Variants in GNAL observed in about 807,000 individuals in gnomAD.
GNAL encodes the protein G protein subunit alpha L, also known as guanine nucleotide-binding protein G(olf) subunit alpha.
GNAL carries 18 observed loss-of-function variants against 55.1 expected under a neutral mutation model. The ratio of observed to expected loss-of-function variants is 0.33; its 90% CI spans 0.23 to 0.48. The LOEUF (loss-of-function observed/expected upper bound fraction) is 0.48. GNAL is among the 20% of genes least tolerant of loss of function. GNAL has a pLI of 0.99. For missense variants in GNAL, 412 were observed against 614.1 expected (o/e 0.67, Z 3.48); for synonymous variants, 253 against 237.0 (o/e 1.07, Z -0.62).
At chr18:11,873,284 T>C (rs546257603) in intron 10 of GNAL, among the ~76,000 whole-genome samples, 14 of 152,348 alleles carry the variant, frequency 9.2e-5, no homozygotes, top group Admixed American at 2.0e-4. Context: ...GCATTTGTCA[T>C]TAAACTTTTT....
chr18:11,850,092 C>T (rs1309020552), intron 5 of GNAL, among the ~76,000 whole-genome samples: 1 of 152,178 alleles, frequency 6.6e-6, no homozygotes, highest in Non-Finnish European at 1.5e-5. Context: ...AAAATCCAGG[C>T]AACAGGAACA....
intron 5 of GNAL, among the ~76,000 whole-genome samples, chr18:11,849,244 A>G (rs150330816): frequency 0.066 from 10,051 of 152,298 alleles, 468 homozygotes; most frequent in African/African-American, 0.13. Flanking sequence ...GCCCACGCCT[A>G]TAATCCCAGC....
chr18:11,750,761 C>T (rs1056807972), intron 1 of GNAL, among the ~76,000 whole-genome samples: 2 of 152,002 alleles, frequency 1.3e-5, no homozygotes, highest in Non-Finnish European at 2.9e-5. Context: ...CTTTCTAACT[C>T]TTGGCTGCGG....
At chr18:11,783,840 C>T (rs1015578012) in intron 4 of GNAL, among the ~76,000 whole-genome samples, 4 of 152,086 alleles carry the variant, frequency 2.6e-5, no homozygotes, top group Admixed American at 2.6e-4. Context: ...TTGAGCAAGC[C>T]GCATTTCAAG....
chr18:11,692,446 GCTCAC>G (rs1279853152), intron 1 of GNAL, among the ~76,000 whole-genome samples: 1 of 152,190 alleles, frequency 6.6e-6, no homozygotes, highest in African/African-American at 2.4e-5. Context: ...CCCCTCCAGT[GCTCAC>G]CTCCAGAATA....
Position 11,752,302 on chromosome 18 carries a change from C to G in GNAL, c.377-551C>G. ...AACGCCTGCTCTGAATCGGAAAACA[C>G]CGAAGAGACCAGACCATCTCTTTCA... On this transcript the variant is annotated intron_variant, in intron 1 of 11. Transcript: ENST00000334049. The surrounding 1 kb of genome is among the most constrained non-coding windows in gnomAD (Gnocchi z 4.5). 2 of 1,449,704 alleles carry G rather than the reference C, an allele frequency of 1.4e-6. No homozygotes were observed. Among genetic ancestry groups the G allele is most frequent in the Non-Finnish European group, 9.1e-7 (1 of 1,104,866 alleles). 89.8% of individuals were successfully genotyped at this position (1,449,704 alleles called of 1,614,324 possible).
intron 11 of GNAL, among the ~76,000 whole-genome samples, chr18:11,878,797 G>A (rs1486426645): frequency 2.6e-5 from 4 of 151,890 alleles, no homozygotes; most frequent in East Asian, 2.0e-4. Flanking sequence ...CGAACTCCTC[G>A]CCTCAAGTGA....
intron 5 of GNAL, among the ~76,000 whole-genome samples, chr18:11,831,391 C>T (rs1241462289): frequency 8.5e-5 from 13 of 152,056 alleles, no homozygotes; most frequent in South Asian, 8.3e-4. Context: ...CTTGACCCAC[C>T]GAAAGTACAT....
intron 4 of GNAL, among the ~76,000 whole-genome samples, chr18:11,809,886 C>T (rs1050207241): frequency 5.9e-5 from 9 of 152,264 alleles, no homozygotes; most frequent in African/African-American, 2.2e-4. Flanking sequence ...ATATTCTTTC[C>T]CTTTTATGTC....
intron 5 of GNAL, among the ~76,000 whole-genome samples, chr18:11,856,726 G>A (rs903555065): frequency 1.3e-5 from 2 of 151,882 alleles, no homozygotes; most frequent in Non-Finnish European, 2.9e-5. Context: ...AGGAGTTCGA[G>A]ACCAGCCTGG....
chr18:11,703,231 G>A (rs2031619689), intron 1 of GNAL, among the ~76,000 whole-genome samples: 1 of 152,256 alleles, frequency 6.6e-6, no homozygotes, highest in South Asian at 2.1e-4. Context: ...AGCAGCAGAT[G>A]CCACGCAGAG....
intron 1 of GNAL, among the ~76,000 whole-genome samples, chr18:11,726,892 T>C (rs537379203): frequency 1.3e-5 from 2 of 152,102 alleles, no homozygotes; most frequent in East Asian, 3.9e-4. Context: ...ATCAAGCCTG[T>C]GCTGGTTGGA....
At chr18:11,800,750 T>C (rs2034502343) in intron 4 of GNAL, among the ~76,000 whole-genome samples, 1 of 152,212 alleles carries the variant, frequency 6.6e-6, no homozygotes, top group South Asian at 2.1e-4. Context: ...TCCGCAGGCT[T>C]CTCTGTCATA....
At chr18:11,808,622 G>A (rs990814460) in intron 4 of GNAL, among the ~76,000 whole-genome samples, 1 of 152,138 alleles carries the variant, frequency 6.6e-6, no homozygotes, top group African/African-American at 2.4e-5. Flanking sequence ...TGTTTCTCTT[G>A]GGAAAGAAAG....
At chr18:11,852,882 C>G (rs2035913838) in intron 5 of GNAL, 1 of 166,908 alleles carries the variant, frequency 6.0e-6, no homozygotes, top group African/African-American at 2.4e-5. Flanking sequence ...TTTAAAAAGA[C>G]TTAGTGTGAC....
intron 5 of GNAL, among the ~76,000 whole-genome samples, chr18:11,844,570 G>A (rs2035690358): frequency 6.6e-6 from 1 of 152,166 alleles, no homozygotes; most frequent in African/African-American, 2.4e-5. Context: ...GTAAAAGCTG[G>A]GTCTAAGGCA....
At position 11,790,656 on chromosome 18, in the gene GNAL, T is replaced by C. The variant is rs866779122; in HGVS notation, c.625-34262T>C. ...TTTTTCTTTTCTTTTCTTTTCTTTTTTTTTCTTTTTTTTTTTTTTTGAGAC... is the reference window on the plus strand; with the variant it reads ...TTTTTCTTTTCTTTTCTTTTCTTTTCTTTTCTTTTTTTTTTTTTTTGAGAC... On this transcript the variant is annotated intron_variant, in intron 4 of 11. Transcript: ENST00000334049. Among the ~76,000 whole-genome samples, 55 of 54,346 alleles carry C rather than the reference T, an allele frequency of 1.0e-3. 1 individual carries two copies. The highest frequency in any genetic ancestry group is 8.2e-3 in the Middle Eastern group (1 of 122). 35.7% of individuals were successfully genotyped at this position (54,346 alleles called of 152,430 possible). A position where few individuals can be genotyped will look rare whatever the true frequency, so the allele number is the denominator to read the frequency against.
intron 4 of GNAL, among the ~76,000 whole-genome samples, chr18:11,780,254 A>G (rs143766861): frequency 1.3e-5 from 2 of 152,238 alleles, no homozygotes; most frequent in African/African-American, 4.8e-5. Flanking sequence ...TTGCATAGTC[A>G]CGTTCCTGCT....
chr18:11,860,664 G>A (rs1006605791), intron 5 of GNAL, among the ~76,000 whole-genome samples: 11 of 152,180 alleles, frequency 7.2e-5, no homozygotes, highest in African/African-American at 2.7e-4. Context: ...AAGTGACACA[G>A]GAGAAAGGTT....
Sources: gnomAD v4.1 joint callset for allele counts (sites outside exome capture counted in the v4.1 genomes callset) on GRCh38, gnomAD v4.1.1 for gene constraint, Gnocchi (gnomAD v3.1) non-coding constraint, MANE v1.5 for transcripts, NCBI Gene and HGNC (gene_info 2026-07-23, HGNC 2026-07-21) for gene names.